The following DNM3 variants were observed in gnomAD, a reference collection of about 807,000 sequenced individuals.
DNM3 encodes the protein dynamin-3.
DNM3 carries 47 observed loss-of-function variants against 101.6 expected under a neutral mutation model. The observed-to-expected ratio is 0.46, with a 90% CI of 0.37 to 0.59. The LOEUF is 0.59. Ranked by LOEUF, DNM3 falls within the 20% of genes least tolerant of loss-of-function variation. The probability of loss-of-function intolerance (pLI) is 0.00; values close to 1 mark genes in which losing one functional copy is unlikely to be tolerated. For missense variants in DNM3, 849 were observed against 1,085.7 expected (o/e 0.78, Z 3.06); for synonymous variants, 385 against 387.9 (o/e 0.99, Z 0.09).
chr1:171,848,647 T>C (rs1571230722), intron 1 of DNM3, among the ~76,000 whole-genome samples: 1 of 152,346 alleles, frequency 6.6e-6, no homozygotes, highest in East Asian at 1.9e-4. Flanking sequence ...AATAAAGATG[T>C]ATTTGTGTAG....
chr1:172,079,885 T>G (rs1219018088), intron 11 of DNM3, among the ~76,000 whole-genome samples: 1 of 152,220 alleles, frequency 6.6e-6, no homozygotes, highest in Non-Finnish European at 1.5e-5. Context: ...GCCCCTCTGC[T>G]GCAGGTCTGC....
At chr1:172,022,567 T>G (rs1478012271) in intron 4 of DNM3, among the ~76,000 whole-genome samples, 2 of 152,030 alleles carry the variant, frequency 1.3e-5, no homozygotes, top group Non-Finnish European at 2.9e-5. Flanking sequence ...GAGCTATAAA[T>G]ATATATAGCT....
At chr1:172,078,314 T>A (rs1286216190) in intron 11 of DNM3, among the ~76,000 whole-genome samples, 2 of 152,118 alleles carry the variant, frequency 1.3e-5, no homozygotes, top group South Asian at 2.1e-4. Context: ...GGATGTTCTC[T>A]ATCTCCTCAC....
chr1:172,363,336 T>G (rs1268783512), intron 17 of DNM3, among the ~76,000 whole-genome samples: 1 of 151,906 alleles, frequency 6.6e-6, no homozygotes, highest in East Asian at 1.9e-4. Context: ...TACTAAAAAA[T>G]AAACTCATTT....
At chr1:172,315,187 G>T (rs997296143) in intron 16 of DNM3, among the ~76,000 whole-genome samples, 1 of 152,198 alleles carries the variant, frequency 6.6e-6, no homozygotes, top group Non-Finnish European at 1.5e-5. Flanking sequence ...GGTCCTGTCT[G>T]TTAAAAGGAA....
chr1:172,353,456 T>C (rs2067285144), intron 17 of DNM3, among the ~76,000 whole-genome samples: 1 of 152,198 alleles, frequency 6.6e-6, no homozygotes, highest in Non-Finnish European at 1.5e-5. Flanking sequence ...TTATTCATTT[T>C]TGTATCTAAT....
Position 172,409,089 on chromosome 1 carries a change from T to A in DNM3, c.*1248T>A, listed in dbSNP as rs112544396. ...AACAGTTTAGCCTGGGGGTTAATAG[T>A]TAAGTCTTGAGGCTAAGTTTTGGAC... On this transcript the variant is annotated 3_prime_UTR_variant, in exon 21 of 21. Coordinates refer to ENST00000627582, the MANE Select transcript of DNM3 (RefSeq NM_015569.5). 1 of 985,342 alleles carries A rather than the reference T, an allele frequency of 1.0e-6. No individual in the cohort carries two copies. 61.0% of individuals were successfully genotyped at this position (985,342 alleles called of 1,614,324 possible). A position where few individuals can be genotyped will look rare whatever the true frequency, so the allele number is the denominator to read the frequency against.
chr1:172,186,291 T>C (rs758611948), intron 14 of DNM3, among the ~76,000 whole-genome samples: 15 of 151,958 alleles, frequency 9.9e-5, no homozygotes, highest in Non-Finnish European at 1.5e-4. Context: ...CCAAGAAATG[T>C]GGAGATATAA....
At chr1:172,117,431 T>C (rs2055992231) in intron 13 of DNM3, among the ~76,000 whole-genome samples, 1 of 152,138 alleles carries the variant, frequency 6.6e-6, no homozygotes, top group Non-Finnish European at 1.5e-5. Context: ...TTGGGGCCAG[T>C]CTTTCCCGTC....
At chr1:172,188,994 T>C (rs1375016575) in intron 14 of DNM3, among the ~76,000 whole-genome samples, 6 of 152,098 alleles carry the variant, frequency 3.9e-5, no homozygotes, top group African/African-American at 1.4e-4. Flanking sequence ...TAATTTTGTG[T>C]TTTGTGTCTA....
chr1:172,305,315 A>G lies in DNM3; in HGVS notation c.1770-3413A>G, dbSNP rs185643597. ...GGATAAATTCCTGGACACATACACCATCCTAAGACTAAACAAGGAAGAAGT... is the reference window on the plus strand; with the variant it reads ...GGATAAATTCCTGGACACATACACCGTCCTAAGACTAAACAAGGAAGAAGT... On this transcript the variant is annotated intron_variant, in intron 15 of 20. Coordinates refer to ENST00000627582, the MANE Select transcript of DNM3 (RefSeq NM_015569.5). Among the ~76,000 whole-genome samples the G allele has an allele frequency of 9.9e-5, 15 of 152,236 alleles. No individual in the cohort carries two copies. The East Asian group carries it at 2.9e-3, about 29-fold the overall frequency.
chr1:172,091,643 T>C (rs543176105), intron 12 of DNM3, among the ~76,000 whole-genome samples: 1 of 152,178 alleles, frequency 6.6e-6, no homozygotes, highest in East Asian at 1.9e-4. Flanking sequence ...AGGAGATGAG[T>C]CAAAGAGGCA....
intron 17 of DNM3, among the ~76,000 whole-genome samples, chr1:172,349,156 C>T (rs1234858586): frequency 6.6e-6 from 1 of 152,118 alleles, no homozygotes; most frequent in Non-Finnish European, 1.5e-5. Context: ...GATTCCTACA[C>T]CACATTTGCT....
At chr1:172,318,505 A>G (rs1383345877) in intron 16 of DNM3, among the ~76,000 whole-genome samples, 1 of 152,196 alleles carries the variant, frequency 6.6e-6, no homozygotes, top group Non-Finnish European at 1.5e-5. Flanking sequence ...CTCAGCCCAA[A>G]ATCTCCTTAA....
chr1:172,416,651 T>A (rs2071434350), downstream of DNM3, among the ~76,000 whole-genome samples: 1 of 152,176 alleles, frequency 6.6e-6, no homozygotes, highest in South Asian at 2.1e-4. Context: ...GCTGTTCAGT[T>A]TAATGGCCCA....
chr1:172,090,703 A>C (rs1477331582), intron 12 of DNM3, among the ~76,000 whole-genome samples: 1 of 152,186 alleles, frequency 6.6e-6, no homozygotes, highest in African/African-American at 2.4e-5. Flanking sequence ...AGTTGAATGC[A>C]GTGTTTTTTC....
chr1:172,152,599 T>G (rs1445114571), intron 14 of DNM3, among the ~76,000 whole-genome samples: 1 of 152,160 alleles, frequency 6.6e-6, no homozygotes, highest in East Asian at 1.9e-4. Context: ...ATGTTGTAGA[T>G]TCAGACAAAT....
intron 20 of DNM3, chr1:172,389,105 A>T (rs2069373094): frequency 4.7e-6 from 2 of 423,268 alleles, no homozygotes; most frequent in Non-Finnish European, 8.6e-6. Flanking sequence ...GGGCTTTGAA[A>T]CAAAAGAGCT....
At chr1:171,962,997 A>G (rs1025621549) in intron 2 of DNM3, among the ~76,000 whole-genome samples, 2 of 152,194 alleles carry the variant, frequency 1.3e-5, no homozygotes, top group Non-Finnish European at 2.9e-5. Flanking sequence ...AGGAAACTAA[A>G]CATATCCTTA....
Sources: gnomAD v4.1 joint callset for allele counts (sites outside exome capture counted in the v4.1 genomes callset) on GRCh38, gnomAD v4.1.1 for gene constraint, MANE v1.5 for transcripts, NCBI Gene and HGNC (gene_info 2026-07-23, HGNC 2026-07-21) for gene names.